CREB3L3: variants seen among roughly 807,000 people sequenced by gnomAD.
CREB3L3 encodes cAMP responsive element binding protein 3 like 3, also known as cyclic AMP-responsive element-binding protein 3-like protein 3.
A neutral mutation model predicts 44.6 loss-of-function variants in CREB3L3; 40 were observed. The ratio of observed to expected loss-of-function variants is 0.90; its 90% CI spans 0.70 to 1.17. The LOEUF (loss-of-function observed/expected upper bound fraction) is 1.17. CREB3L3 is among the 50% of genes most tolerant of loss of function. The pLI is 0.00. For synonymous variants in CREB3L3, 273 were observed against 256.3 expected (o/e 1.06, Z -0.62); for missense variants, 578 against 595.8 (o/e 0.97, Z 0.31).
chr19:4,156,933 C>G lies in CREB3L3; in HGVS notation c.157-62C>G, dbSNP rs940393104. The G allele has an allele frequency of 4.5e-6, 7 of 1,568,276 alleles. No individual in the cohort carries two copies. In the East Asian group the frequency reaches 1.6e-4, roughly 35 times the overall value. ...AGGGTCACTGGTTTCCCTGGGGCCA[C>G]ACACTAATCTAAAAAGAGTGAGCAC... On this transcript the variant is annotated intron_variant, in intron 2 of 9. Coordinates refer to ENST00000078445, the MANE Select transcript of CREB3L3 (RefSeq NM_032607.3).
intron 5 of CREB3L3, among the ~76,000 whole-genome samples, chr19:4,165,088 C>G (rs1216063030): frequency 6.6e-6 from 1 of 152,116 alleles, no homozygotes. Context: ...GTCAGAAGCC[C>G]CATTGTAAAT....
intron 7 of CREB3L3, among the ~76,000 whole-genome samples, chr19:4,170,632 T>A (rs1249955194): frequency 1.5e-5 from 2 of 132,314 alleles, no homozygotes; most frequent in African/African-American, 2.9e-5. Flanking sequence ...AAATAAGGCC[T>A]GGTGTGGTGG....
At chr19:4,165,784 AG>A (rs1396735779) in intron 5 of CREB3L3, among the ~76,000 whole-genome samples, 1 of 152,010 alleles carries the variant, frequency 6.6e-6, no homozygotes, top group Non-Finnish European at 1.5e-5. Context: ...CTGAGGCAGG[AG>A]GATCTCCCTT....
chr19:4,165,728 G>A (rs543612995), intron 5 of CREB3L3, among the ~76,000 whole-genome samples: 2 of 151,976 alleles, frequency 1.3e-5, no homozygotes, highest in African/African-American at 4.8e-5. Flanking sequence ...GTGCCTGGTG[G>A]TGGGCAACTG....
In CREB3L3 at chr19:4,154,786, G is replaced by A. The variant is rs369102591; in HGVS notation, c.28-113G>A. ...CGAGGGGCAGCAGCTGGCCCAACCC[G>A]GAGGCAGAGCGGCAACTGAACTCTA... On this transcript the variant is annotated intron_variant, in intron 1 of 9. Transcript: ENST00000078445. 364 of 1,522,260 alleles carry A rather than the reference G, an allele frequency of 2.4e-4. 3 individuals are homozygous for A. In the African/African-American group the frequency reaches 4.2e-3, roughly 18 times the overall value. The allele number at this position is 1,522,260 out of a possible 1,614,324, so 94.3% of individuals were successfully genotyped here.
intron 5 of CREB3L3, among the ~76,000 whole-genome samples, chr19:4,167,767 A>G (rs1359368946): frequency 6.6e-6 from 1 of 151,738 alleles, no homozygotes; most frequent in African/African-American, 2.4e-5. Context: ...GAACCCAGGC[A>G]CCTCCCAGAG....
intron 4 of CREB3L3, among the ~76,000 whole-genome samples, chr19:4,162,848 C>T (rs977034647): frequency 2.6e-5 from 4 of 152,066 alleles, no homozygotes; most frequent in African/African-American, 7.2e-5. Flanking sequence ...CATGGCGGTA[C>T]GCTCTGTGGT....
chr19:4,166,743 C>T (rs1012918520), intron 5 of CREB3L3, among the ~76,000 whole-genome samples: 2 of 150,392 alleles, frequency 1.3e-5, no homozygotes, highest in South Asian at 4.2e-4. Context: ...TAGGATCTCA[C>T]TTTGTCGCTC....
chr19:4,153,873 A>C, intron 1 of CREB3L3, 99 bp downstream of exon 1: 1 of 1,320,556 alleles, frequency 7.6e-7, no homozygotes, highest in African/African-American at 1.4e-5. Flanking sequence ...CCCCTATTGT[A>C]CAGATGGGAA....
rs771080503 is a variant in CREB3L3, at chr19:4,170,228, G to T, written c.890+20G>T. 121 of 1,613,448 alleles carry T rather than the reference G, an allele frequency of 7.5e-5. No homozygotes were observed. The highest frequency in any genetic ancestry group is 9.7e-5 in the Non-Finnish European group (114 of 1,179,560). ...AAACCTGTGAGTCTGGGTCCAGCTG[G>T]GGCAGAGGACAGGGGAAGCAGCCCC... On this transcript the variant is annotated intron_variant, in intron 7 of 9. Coordinates refer to ENST00000078445, the MANE Select transcript of CREB3L3 (RefSeq NM_032607.3).
Position 4,171,050 on chromosome 19 carries a change from G to C in CREB3L3, c.891-41G>C, listed in dbSNP as rs765825200. The C allele has an allele frequency of 1.3e-6, 2 of 1,515,362 alleles. No homozygotes were observed. Among genetic ancestry groups the C allele is most frequent in the Non-Finnish European group, 1.8e-6 (2 of 1,090,260 alleles). 93.9% of individuals were successfully genotyped at this position (1,515,362 alleles called of 1,614,324 possible). A position where few individuals can be genotyped will look rare whatever the true frequency, so the allele number is the denominator to read the frequency against. ...GGAAATGGACGAGAAGCAGAACCGAGGCCCTTTAGGGCTCAGCGGAGGCCT... is the reference window on the plus strand; with the variant it reads ...GGAAATGGACGAGAAGCAGAACCGACGCCCTTTAGGGCTCAGCGGAGGCCT... On this transcript the variant is annotated intron_variant, in intron 7 of 9. Coordinates refer to ENST00000078445, the MANE Select transcript of CREB3L3 (RefSeq NM_032607.3). The surrounding 1 kb of genome is among the most constrained non-coding windows in gnomAD (Gnocchi z 4.9).
chr19:4,166,689 C>A (rs1367981470), intron 5 of CREB3L3, among the ~76,000 whole-genome samples: 1 of 151,444 alleles, frequency 6.6e-6, no homozygotes, highest in Non-Finnish European at 1.5e-5. Context: ...AGCCACCGTG[C>A]CTGGCCCCAT....
chr19:4,170,764 A>G (rs1009910371), intron 7 of CREB3L3, among the ~76,000 whole-genome samples: 2 of 151,148 alleles, frequency 1.3e-5, no homozygotes, highest in Non-Finnish European at 1.5e-5. Context: ...AAAAAAAATT[A>G]GCTGGGTGTG....
chr19:4,171,860 G>T lies in CREB3L3; in HGVS notation c.1277G>T (p.Arg426Met). The T allele has an allele frequency of 6.2e-7, 1 of 1,613,588 alleles. No homozygotes were observed. The highest frequency in any genetic ancestry group is 8.5e-7 in the Non-Finnish European group (1 of 1,179,986). Residue 426 changes from arginine to methionine, a missense_variant, in exon 10 of 10, where the codon AGG (arginine) becomes ATG (methionine). By Grantham distance (91) the Arg-to-Met change is moderately conservative. Coordinates refer to ENST00000078445, the MANE Select transcript of CREB3L3 (RefSeq NM_032607.3). The surrounding 1 kb of genome is among the most constrained non-coding windows in gnomAD (Gnocchi z 4.9). ...EELDNATLVL[R>M]NATEGLGQVA... ...CTGGACAACGCCACCCTGGTCCTGAGGAATGCAACAGAGGGGCTGGGCCAG... is the reference window on the plus strand; with the variant it reads ...CTGGACAACGCCACCCTGGTCCTGATGAATGCAACAGAGGGGCTGGGCCAG...
chr19:4,171,855 C>A lies in CREB3L3; in HGVS notation c.1272C>A (p.Val424=), dbSNP rs1008440606. The change falls in exon 10 of 10, where the codon GTC becomes GTA. Residue 424 remains valine, a synonymous_variant. Coordinates refer to ENST00000078445, the MANE Select transcript of CREB3L3 (RefSeq NM_032607.3). The surrounding 1 kb of genome is among the most constrained non-coding windows in gnomAD (Gnocchi z 4.9). The part of the protein sequence containing the change: ...STEELDNATL[V]LRNATEGLGQ... ...AGGAGCTGGACAACGCCACCCTGGT[C>A]CTGAGGAATGCAACAGAGGGGCTGG... is the stretch of plus-strand genomic sequence containing the variant. 1 of 1,613,590 alleles carries A rather than the reference C, an allele frequency of 6.2e-7. No homozygotes were observed. Among genetic ancestry groups the A allele is most frequent in the African/African-American group, 1.3e-5 (1 of 75,040 alleles).
intron 5 of CREB3L3, among the ~76,000 whole-genome samples, chr19:4,164,883 A>G (rs2145133081): frequency 6.6e-6 from 1 of 151,016 alleles, no homozygotes; most frequent in South Asian, 2.1e-4. Context: ...TAATTTTTGT[A>G]TCTTTAGTAG....
chr19:4,155,284 TC>T (rs974116085), intron 2 of CREB3L3, among the ~76,000 whole-genome samples: 1 of 151,930 alleles, frequency 6.6e-6, no homozygotes, highest in Non-Finnish European at 1.5e-5. Flanking sequence ...GGAGTTAGGT[TC>T]AAACTCAAAC....
Position 4,171,262 on chromosome 19 carries a change from T to A in CREB3L3, c.975+87T>A. On this transcript the variant is annotated intron_variant, in intron 8 of 9. Transcript: ENST00000078445. The surrounding 1 kb of genome is among the most constrained non-coding windows in gnomAD (Gnocchi z 4.9). ...AGGTGACAATGAGTCCAAGCTCTCC[T>A]TGTGCCCCAGCTCAAGTATGATCCA... The A allele has an allele frequency of 6.9e-7, 1 of 1,457,446 alleles. No homozygotes were observed. The allele number at this position is 1,457,446 out of a possible 1,614,324, so 90.3% of individuals were successfully genotyped here.
At position 4,156,987 on chromosome 19, in the gene CREB3L3, C is replaced by T; in HGVS notation, c.157-8C>T. On this transcript the variant is annotated splice_region_variant and splice_polypyrimidine_tract_variant and intron_variant, in intron 2 of 9. Transcript: ENST00000078445. ...CTAATTCCTACTACCCCTCCCTGTC[C>T]ACCCCAGCAGGTCCTGCCAAACCCC... 6.2e-7 allele frequency: 1 copy of T among 1,614,032 alleles called. No homozygotes were observed. The highest frequency in any genetic ancestry group is 8.5e-7 in the Non-Finnish European group (1 of 1,179,982).
Sources: gnomAD v4.1 joint callset for allele counts (sites outside exome capture counted in the v4.1 genomes callset) on GRCh38, gnomAD v4.1.1 for gene constraint, Gnocchi (gnomAD v3.1) non-coding constraint, MANE v1.5 for transcripts, NCBI Gene and HGNC (gene_info 2026-07-23, HGNC 2026-07-21) for gene names.